Variants in FARP1 observed in about 807,000 individuals in gnomAD.
FARP1 encodes FERM, ARHGEF and pleckstrin domain-containing protein 1.
A neutral mutation model predicts 128.8 loss-of-function variants in FARP1; 52 were observed. The ratio of observed to expected loss-of-function variants is 0.40; its 90% CI spans 0.32 to 0.51. The LOEUF (loss-of-function observed/expected upper bound fraction) is 0.51. FARP1 is among the 20% of genes least tolerant of loss of function. FARP1 has a pLI of 0.45. For missense variants in FARP1, 1,333 were observed against 1,367.9 expected, an observed-to-expected ratio of 0.97 and a Z score of 0.40; for synonymous variants, 580 against 551.8, an observed-to-expected ratio of 1.05 and a Z score of -0.72.
intron 6 of FARP1, chr13:98,381,815 A>AT (rs1200817258): frequency 6.6e-6 from 1 of 152,204 alleles, no homozygotes; most frequent in Admixed American, 6.5e-5. Flanking sequence ...GGAATATAGT[A>AT]TATGCATAAG....
chr13:98,261,500 G>A (rs912236051), intron 2 of FARP1, among the ~76,000 whole-genome samples: 1 of 151,788 alleles, frequency 6.6e-6, no homozygotes, highest in African/African-American at 2.4e-5. Context: ...AGCTCCCACT[G>A]GTATGCATGT....
chr13:98,363,725 C>G (rs1397044224), intron 3 of FARP1, among the ~76,000 whole-genome samples: 2 of 152,120 alleles, frequency 1.3e-5, no homozygotes, highest in African/African-American at 2.4e-5. Context: ...CCTGTGACTC[C>G]TGTCTTTTGA....
At chr13:98,429,238 C>T (rs937746010) in intron 17 of FARP1, among the ~76,000 whole-genome samples, 1 of 152,170 alleles carries the variant, frequency 6.6e-6, no homozygotes, top group Non-Finnish European at 1.5e-5. Flanking sequence ...CCCGGAGTAA[C>T]CCCGAGGGAT....
chr13:98,389,767 T>C (rs1890236221), intron 9 of FARP1, 190 bp from the exon 10 acceptor site: 1 of 516,854 alleles, frequency 1.9e-6, no homozygotes, highest in Non-Finnish European at 3.3e-6. Flanking sequence ...AAGAAAATGA[T>C]GGACTAGGGA....
chr13:98,244,750 A>G, intron 2 of FARP1: 1 of 1,556,036 alleles, frequency 6.4e-7, no homozygotes, highest in Non-Finnish European at 8.8e-7. Flanking sequence ...CATTCAAAGA[A>G]ATTGATTGGC....
At position 98,203,638 on chromosome 13, in the gene FARP1, C is replaced by G. The variant is rs138765927; in HGVS notation, c.-23-9582C>G. Among the ~76,000 whole-genome samples the G allele has an allele frequency of 3.3e-5, 5 of 152,280 alleles. No individual in the cohort carries two copies. In the East Asian group the frequency reaches 7.7e-4, roughly 24 times the overall value. On this transcript the variant is annotated intron_variant, in intron 1 of 26. Coordinates refer to ENST00000319562, the MANE Select transcript of FARP1 (RefSeq NM_005766.4). ...ATGGATAGATCGCATTTGGTTTATTCACTCACCAGTTGATGACTATTTGGA... is the reference window on the plus strand; with the variant it reads ...ATGGATAGATCGCATTTGGTTTATTGACTCACCAGTTGATGACTATTTGGA...
rs775900760 is a variant in FARP1, at chr13:98,177,149, C to T, written c.-24+33657C>T. 2.5e-6 allele frequency: 4 copies of T among 1,607,114 alleles called. No homozygotes were observed. In the South Asian group the frequency reaches 3.3e-5, roughly 13 times the overall value. ...GCCGGGCGCTTTCTGAGGCCTGCAG[C>T]CCCTTTCCGTCCAGGCTTTTTGAAG... On this transcript the variant is annotated intron_variant, in intron 1 of 26. Coordinates refer to ENST00000319562, the MANE Select transcript of FARP1 (RefSeq NM_005766.4).
chr13:98,297,710 G>C (rs1202043774), intron 2 of FARP1, among the ~76,000 whole-genome samples: 1 of 152,170 alleles, frequency 6.6e-6, no homozygotes, highest in Non-Finnish European at 1.5e-5. Context: ...GGGTAGATGT[G>C]TATGTTTGGG....
At chr13:98,215,615 T>C (rs1180977106) in intron 2 of FARP1, among the ~76,000 whole-genome samples, 1 of 152,214 alleles carries the variant, frequency 6.6e-6, no homozygotes, top group Non-Finnish European at 1.5e-5. Context: ...AGTAATGACA[T>C]GCACGTCCAA....
intron 2 of FARP1, among the ~76,000 whole-genome samples, chr13:98,252,055 C>T (rs763814592): frequency 2.6e-5 from 4 of 152,104 alleles, no homozygotes; most frequent in Non-Finnish European, 5.9e-5. Flanking sequence ...ACTATGTTGG[C>T]CAACCTGGTC....
chr13:98,252,366 G>A (rs1226604564), intron 2 of FARP1, among the ~76,000 whole-genome samples: 1 of 152,148 alleles, frequency 6.6e-6, no homozygotes, highest in African/African-American at 2.4e-5. Context: ...CGTGGCTCTT[G>A]TCAGGTTCAC....
At chr13:98,181,414 A>G (rs376162015) in intron 1 of FARP1, among the ~76,000 whole-genome samples, 1 of 152,148 alleles carries the variant, frequency 6.6e-6, no homozygotes, top group East Asian at 1.9e-4. Context: ...CCTGGCTGGC[A>G]GCGATGGAGA....
intron 1 of FARP1, among the ~76,000 whole-genome samples, chr13:98,167,211 C>CT (rs1432006129): frequency 6.6e-6 from 1 of 151,990 alleles, no homozygotes; most frequent in Admixed American, 6.6e-5. Context: ...ATAGGACTTC[C>CT]TTTATATATG....
chr13:98,246,331 G>A (rs1158987569), intron 2 of FARP1, among the ~76,000 whole-genome samples: 3 of 39,148 alleles, frequency 7.7e-5, no homozygotes, highest in African/African-American at 2.8e-4. Context: ...TCCTGACCTC[G>A]TGATCCCCGC....
intron 21 of FARP1, among the ~76,000 whole-genome samples, chr13:98,439,623 T>A (rs1407113657): frequency 6.6e-6 from 1 of 152,060 alleles, no homozygotes; most frequent in Non-Finnish European, 1.5e-5. Flanking sequence ...TCCCCCGAGT[T>A]GGTTTGGGGC....
rs545159068 is a variant in FARP1, at chr13:98,452,116, T to C, written c.*3799T>C. On this transcript the variant is annotated 3_prime_UTR_variant, in exon 27 of 27. Coordinates refer to ENST00000319562, the MANE Select transcript of FARP1 (RefSeq NM_005766.4). ...CGCACGGCCACACATACACAGCAGG[T>C]GCCCTGTCCTCTGAAGAGTCACATT... 6.6e-6 allele frequency: 1 copy of C among 152,212 alleles called. No individual in the cohort carries two copies. Among genetic ancestry groups the C allele is most frequent in the South Asian group, 2.1e-4 (1 of 4,820 alleles). The allele number at this position is 152,212 out of a possible 1,614,324, so 9.4% of individuals were successfully genotyped here.
Position 98,448,912 on chromosome 13 carries a change from C to A in FARP1, c.*595C>A, listed in dbSNP as rs111585806. The A allele has an allele frequency of 6.6e-6, 1 of 152,198 alleles. No homozygotes were observed. The highest frequency in any genetic ancestry group is 2.4e-5 in the African/African-American group (1 of 41,434). 9.4% of individuals were successfully genotyped at this position (152,198 alleles called of 1,614,324 possible). On this transcript the variant is annotated 3_prime_UTR_variant, in exon 27 of 27. Transcript: ENST00000319562. ...CACAGCGTTCCACTGCGGGGTTTCA[C>A]GCTCACCTGAAAACACCTGTTCCCA... is the stretch of plus-strand genomic sequence containing the variant.
intron 4 of FARP1, among the ~76,000 whole-genome samples, chr13:98,367,642 G>A (rs1217425385): frequency 6.6e-6 from 1 of 152,092 alleles, no homozygotes; most frequent in Non-Finnish European, 1.5e-5. Flanking sequence ...CAAAGCCAGG[G>A]CCACATCTGG....
chr13:98,442,319 G>A (rs1892557882), intron 24 of FARP1, among the ~76,000 whole-genome samples: 1 of 152,240 alleles, frequency 6.6e-6, no homozygotes, highest in African/African-American at 2.4e-5. Flanking sequence ...TCTCGAGAGA[G>A]TCTCGGAATT....
Sources: gnomAD v4.1 joint callset for allele counts (sites outside exome capture counted in the v4.1 genomes callset) on GRCh38, gnomAD v4.1.1 for gene constraint, MANE v1.5 for transcripts, NCBI Gene and HGNC (gene_info 2026-07-23, HGNC 2026-07-21) for gene names.